Variants in KIF26B observed in about 807,000 individuals in gnomAD.
KIF26B encodes the protein kinesin family member 26B.
A neutral mutation model predicts 151.2 loss-of-function variants in KIF26B; 63 were observed. The observed-to-expected ratio is 0.42, with a 90% CI of 0.34 to 0.51. The LOEUF is 0.51. KIF26B is among the 20% of genes least tolerant of loss of function. The probability of loss-of-function intolerance (pLI) is 0.07; values close to 1 mark genes in which losing one functional copy is unlikely to be tolerated. For missense variants in KIF26B, 2,813 were observed against 2,913.6 expected (o/e 0.97, Z 0.79); for synonymous variants, 1,357 against 1,262.1 (o/e 1.08, Z -1.59).
At chr1:245,179,144 C>A (rs948813633) in intron 2 of KIF26B, among the ~76,000 whole-genome samples, 1 of 152,128 alleles carries the variant, frequency 6.6e-6, no homozygotes, top group African/African-American at 2.4e-5. Context: ...GTTCTCTTGG[C>A]TCCCATTTCC....
chr1:245,260,882 T>C (rs1276333957), intron 2 of KIF26B, among the ~76,000 whole-genome samples: 2 of 151,964 alleles, frequency 1.3e-5, no homozygotes, highest in South Asian at 4.2e-4. Context: ...CCTTCTTGTC[T>C]TTTAGCCTAG....
chr1:245,347,287 T>TA, intron 2 of KIF26B, among the ~76,000 whole-genome samples: 1 of 152,240 alleles, frequency 6.6e-6, no homozygotes, highest in Middle Eastern at 3.4e-3. Context: ...TCTCATTAAC[T>TA]ACTGTCCCCT....
At chr1:245,268,464 A>G (rs1255953184) in intron 2 of KIF26B, among the ~76,000 whole-genome samples, 4 of 134,932 alleles carry the variant, frequency 3.0e-5, no homozygotes, top group African/African-American at 8.6e-5. Context: ...GCGAGACTCC[A>G]TCTCCAAATA....
intron 4 of KIF26B, among the ~76,000 whole-genome samples, chr1:245,458,212 C>T (rs948152248): frequency 3.3e-5 from 5 of 152,154 alleles, no homozygotes; most frequent in African/African-American, 4.8e-5. Context: ...TCAAACCCCT[C>T]GGCAGTGTCG....
chr1:245,502,679 A>T (rs1235094902), intron 4 of KIF26B, among the ~76,000 whole-genome samples: 4 of 152,132 alleles, frequency 2.6e-5, no homozygotes, highest in Non-Finnish European at 4.4e-5. Flanking sequence ...TGAATGAATG[A>T]ATGAAAATAA....
At chr1:245,215,487 G>C (rs1298131305) in intron 2 of KIF26B, among the ~76,000 whole-genome samples, 2 of 152,188 alleles carry the variant, frequency 1.3e-5, no homozygotes, top group Non-Finnish European at 2.9e-5. Flanking sequence ...CCTGTGGAGA[G>C]AGAACTCTAC....
chr1:245,420,214 G>C (rs1177763), intron 4 of KIF26B, among the ~76,000 whole-genome samples: 7,958 of 152,158 alleles, frequency 0.052, 698 homozygotes, highest in African/African-American at 0.18. Flanking sequence ...TTTCTCCCCC[G>C]CTTCTTGACA....
At chr1:245,655,554 G>A (rs549298296) in intron 10 of KIF26B, among the ~76,000 whole-genome samples, 4 of 152,178 alleles carry the variant, frequency 2.6e-5, no homozygotes, top group East Asian at 1.9e-4. Flanking sequence ...GGCTCTGCAC[G>A]AAAGTGAAGT....
chr1:245,201,784 T>C (rs577312080), intron 2 of KIF26B, among the ~76,000 whole-genome samples: 1 of 152,336 alleles, frequency 6.6e-6, no homozygotes, highest in South Asian at 2.1e-4. Context: ...GGGATCCATT[T>C]CTCATTTTGC....
chr1:245,376,132 T>C (rs1371342289), intron 3 of KIF26B, among the ~76,000 whole-genome samples: 2 of 152,196 alleles, frequency 1.3e-5, no homozygotes, highest in African/African-American at 2.4e-5. Context: ...CTGAATTTCA[T>C]GTAGAAGGAA....
intron 2 of KIF26B, among the ~76,000 whole-genome samples, chr1:245,236,965 C>T (rs1670121726): frequency 6.6e-6 from 1 of 152,216 alleles, no homozygotes; most frequent in Non-Finnish European, 1.5e-5. Flanking sequence ...AGTGACTTGT[C>T]TGAAATTACT....
At chr1:245,384,430 A>C (rs773623883) in intron 3 of KIF26B, among the ~76,000 whole-genome samples, 6 of 152,192 alleles carry the variant, frequency 3.9e-5, no homozygotes, top group Non-Finnish European at 8.8e-5. Flanking sequence ...TTAGTTAGTT[A>C]ATTAATTCAT....
intron 4 of KIF26B, among the ~76,000 whole-genome samples, chr1:245,450,402 C>T (rs1443633244): frequency 6.6e-6 from 1 of 152,120 alleles, no homozygotes; most frequent in African/African-American, 2.4e-5. Context: ...GAATCATTTC[C>T]ACTCAGTTTT....
chr1:245,639,576 T>C (rs1185986962), intron 9 of KIF26B, among the ~76,000 whole-genome samples: 1 of 151,898 alleles, frequency 6.6e-6, no homozygotes, highest in Non-Finnish European at 1.5e-5. Flanking sequence ...ATATTTGGAG[T>C]CTATATTTTT....
chr1:245,612,001 G>T (rs751009970), intron 9 of KIF26B, 25 bp downstream of exon 9: 1 of 1,605,644 alleles, frequency 6.2e-7, no homozygotes, highest in Non-Finnish European at 8.5e-7. Context: ...CCACCCTCCT[G>T]CCTCCTTAGC....
chr1:245,436,847 G>A (rs1658946402), intron 4 of KIF26B, among the ~76,000 whole-genome samples: 1 of 151,008 alleles, frequency 6.6e-6, no homozygotes, highest in African/African-American at 2.4e-5. Context: ...GACTGGCTGA[G>A]GTTCTTCCTG....
intron 2 of KIF26B, among the ~76,000 whole-genome samples, chr1:245,285,399 C>T (rs1390535070): frequency 1.3e-5 from 2 of 152,148 alleles, no homozygotes; most frequent in Non-Finnish European, 2.9e-5. Flanking sequence ...GTGGAAGGAG[C>T]GGCAAAGTCA....
chr1:245,209,332 C>T (rs551193824), intron 2 of KIF26B, among the ~76,000 whole-genome samples: 6 of 151,908 alleles, frequency 3.9e-5, no homozygotes, highest in Middle Eastern at 3.4e-3. Context: ...ACCCGGGAGG[C>T]GGAGGTTGCA....
chr1:245,679,951 A>C (rs369429919), intron 10 of KIF26B, among the ~76,000 whole-genome samples: 12 of 151,212 alleles, frequency 7.9e-5, no homozygotes, highest in African/African-American at 2.7e-4. Flanking sequence ...CCCAACCCAA[A>C]CCCCTCCAGG....
Sources: allele counts gnomAD v4.1 joint callset (sites outside exome capture counted in the v4.1 genomes callset), GRCh38; gene constraint gnomAD v4.1.1; transcripts MANE v1.5; gene names NCBI Gene and HGNC (gene_info 2026-07-23, HGNC 2026-07-21).